The following C18orf32 variants were observed in gnomAD, a reference collection of about 807,000 sequenced individuals.
C18orf32 encodes UPF0729 protein C18orf32.
In C18orf32, 5 loss-of-function variants were observed where a neutral mutation model predicts 7.4. The observed-to-expected ratio is 0.68, with a 90% CI of 0.35 to 1.42. The LOEUF (loss-of-function observed/expected upper bound fraction) is 1.42, where lower values mean the gene tolerates loss of function less well. Among genes scored for constraint, C18orf32 ranks in the 40% most tolerant of loss-of-function variants. C18orf32 has a pLI of 0.04. For missense variants in C18orf32, 88 were observed against 92.4 expected, an observed-to-expected ratio of 0.95 and a Z score of 0.19; for synonymous variants, 30 against 29.3, an observed-to-expected ratio of 1.02 and a Z score of -0.08.
chr18:49,484,136 GA>G lies in C18orf32; in HGVS notation c.-23-366del, dbSNP rs61290557. ...ACAGAGACACTTTGTCTCAAAAAAA[GA>G]AAAAAAAAAAATATATATATATATA... On this transcript the variant is annotated intron_variant, in intron 1 of 2. Transcript: ENST00000318240. 1.9e-3 allele frequency among the ~76,000 whole-genome samples: 86 copies of G among 45,580 alleles called. 3 individuals are homozygous for G. The highest frequency in any genetic ancestry group is 8.5e-3 in the African/African-American group (82 of 9,620). 29.9% of individuals were successfully genotyped at this position (45,580 alleles called of 152,430 possible).
intron 2 of C18orf32, 53 bp downstream of exon 2, chr18:49,483,531 C>T: frequency 6.6e-7 from 1 of 1,503,972 alleles, no homozygotes; most frequent in South Asian, 1.4e-5. Context: ...AGTGTTTCAC[C>T]CAAGTACCAC....
chr18:49,484,327 T>C (rs1308884323), intron 1 of C18orf32, among the ~76,000 whole-genome samples: 1 of 151,992 alleles, frequency 6.6e-6, no homozygotes, highest in Non-Finnish European at 1.5e-5. Context: ...GTGCAGTGGC[T>C]CATGGCTGTA....
At chr18:49,484,149 T>C (rs79162625) in intron 1 of C18orf32, among the ~76,000 whole-genome samples, 1 of 61,796 alleles carries the variant, frequency 1.6e-5, no homozygotes, top group Non-Finnish European at 2.9e-5. Context: ...AAAAAAAAAA[T>C]ATATATATAT....
rs56983810 is a variant in C18orf32 at position 49,484,201 on chromosome 18, C to CACACACACACATACAT, written c.-23-431_-23-430insATGTATGTGTGTGTGT. 6.8e-5 allele frequency among the ~76,000 whole-genome samples: 8 copies of CACACACACACATACAT among 117,832 alleles called. No homozygotes were observed. The East Asian group carries it at 1.2e-3, about 18-fold the overall frequency. 77.3% of individuals were successfully genotyped at this position (117,832 alleles called of 152,430 possible). A position where few individuals can be genotyped will look rare whatever the true frequency, so the allele number is the denominator to read the frequency against. On this transcript the variant is annotated intron_variant, in intron 1 of 2. Coordinates refer to ENST00000318240, the MANE Select transcript of C18orf32 (RefSeq NM_001035005.4). ...ACACACACACACACACACACACACA[C>CACACACACACATACAT]GAAAGGACTATTTCTACAGTGTAGG... is the stretch of plus-strand genomic sequence containing the variant.
chr18:49,484,699 A>G (rs528816853), intron 1 of C18orf32: 6 of 152,342 alleles, frequency 3.9e-5, no homozygotes, highest in Non-Finnish European at 7.3e-5. Flanking sequence ...AAACAACAAC[A>G]TTTGGTAGGT....
rs2083650165 is a variant in C18orf32 at position 49,480,254 on chromosome 18, G to C, written c.*2091C>G. On this transcript the variant is annotated 3_prime_UTR_variant, in exon 3 of 3. Coordinates refer to ENST00000318240, the MANE Select transcript of C18orf32 (RefSeq NM_001035005.4). Reference sequence around the variant, plus strand: ...GATCACTTGAGCCCAGGAGTTGGAGGCTGTAGTGAGCTATGATGATGCCGC... The same window carrying C: ...GATCACTTGAGCCCAGGAGTTGGAGCCTGTAGTGAGCTATGATGATGCCGC... 1 of 152,164 alleles carries C rather than the reference G, an allele frequency of 6.6e-6. No homozygotes were observed. The highest frequency in any genetic ancestry group is 2.1e-4 in the South Asian group (1 of 4,794). 9.4% of individuals were successfully genotyped at this position (152,164 alleles called of 1,614,324 possible).
chr18:49,484,167 T>TATAC (rs2083706841), intron 1 of C18orf32, among the ~76,000 whole-genome samples: 2 of 93,866 alleles, frequency 2.1e-5, no homozygotes, highest in African/African-American at 8.6e-5. Flanking sequence ...TATATATATA[T>TATAC]ACACACACAC....
At chr18:49,483,849 G>C in intron 1 of C18orf32, 78 bp from the exon 2 acceptor site, 6 of 1,512,764 alleles carry the variant, frequency 4.0e-6, no homozygotes, top group Non-Finnish European at 5.3e-6. Flanking sequence ...TAAGATATCT[G>C]AAAGGGGATA....
intron 1 of C18orf32, 104 bp from the exon 2 acceptor site, chr18:49,483,875 G>A (rs889100365): frequency 1.6e-5 from 22 of 1,345,122 alleles, no homozygotes; most frequent in African/African-American, 1.5e-4. Context: ...GGTGGCTCAC[G>A]CCTGTAATCC....
chr18:49,477,283 C>T lies in C18orf32; in HGVS notation c.*5062G>A, dbSNP rs1050933120. The T allele has an allele frequency of 1.3e-5, 2 of 149,916 alleles. No individual in the cohort carries two copies. The highest frequency in any genetic ancestry group is 1.5e-5 in the Non-Finnish European group (1 of 67,962). The allele number at this position is 149,916 out of a possible 1,614,324, so 9.3% of individuals were successfully genotyped here. A position where few individuals can be genotyped will look rare whatever the true frequency, so the allele number is the denominator to read the frequency against. ...TAACTTTATTATTATTTATTTGAAACGGGGTATTGCTCTGTTGTCCTGGCT... is the reference window on the plus strand; with the variant it reads ...TAACTTTATTATTATTTATTTGAAATGGGGTATTGCTCTGTTGTCCTGGCT... On this transcript the variant is annotated 3_prime_UTR_variant, in exon 3 of 3. Coordinates refer to ENST00000318240, the MANE Select transcript of C18orf32 (RefSeq NM_001035005.4).
intron 2 of C18orf32, among the ~76,000 whole-genome samples, chr18:49,483,091 G>A (rs866263157): frequency 3.0e-4 from 46 of 152,130 alleles, no homozygotes; most frequent in Middle Eastern, 3.4e-3. Flanking sequence ...GAGCTACCGC[G>A]CCCAGCTCAA....
In C18orf32 at chr18:49,479,791, C is replaced by T. The variant is rs1181242764; in HGVS notation, c.*2554G>A. On this transcript the variant is annotated 3_prime_UTR_variant, in exon 3 of 3. Coordinates refer to ENST00000318240, the MANE Select transcript of C18orf32 (RefSeq NM_001035005.4). The stretch of plus-strand genomic sequence containing the variant: ...TCGCTATTGGCCAAACCCAGCAGAA[C>T]CCAGAGACATGGGAAGTCTGTTGAT... The T allele has an allele frequency of 2.0e-5, 3 of 152,286 alleles. No homozygotes were observed. The highest frequency in any genetic ancestry group is 4.8e-5 in the African/African-American group (2 of 41,414). 9.4% of individuals were successfully genotyped at this position (152,286 alleles called of 1,614,324 possible).
rs1468722307 is a variant in C18orf32 at position 49,482,311 on chromosome 18, T to C, written c.*34A>G. 1 of 1,508,184 alleles carries C rather than the reference T, an allele frequency of 6.6e-7. No homozygotes were observed. The highest frequency in any genetic ancestry group is 1.1e-5 in the South Asian group (1 of 88,120). 93.4% of individuals were successfully genotyped at this position (1,508,184 alleles called of 1,614,324 possible). ...AGATGCTTCATATTATCAGGTCCATTTTTTAAATGATGGGGTCCTTTAGGA... is the reference window on the plus strand; with the variant it reads ...AGATGCTTCATATTATCAGGTCCATCTTTTAAATGATGGGGTCCTTTAGGA... On this transcript the variant is annotated 3_prime_UTR_variant, in exon 3 of 3. Transcript: ENST00000318240.
rs1453680292 is a variant in C18orf32 at position 49,477,529 on chromosome 18, CA to C, written c.*4815del. 1 of 150,382 alleles carries C rather than the reference CA, an allele frequency of 6.6e-6. No homozygotes were observed. Among genetic ancestry groups the C allele is most frequent in the Non-Finnish European group, 1.5e-5 (1 of 68,096 alleles). 9.3% of individuals were successfully genotyped at this position (150,382 alleles called of 1,614,324 possible). The stretch of plus-strand genomic sequence containing the variant: ...GGCCCAGTGCTTATGCCTGTGATCC[CA>C]GCACTTTGGGAGGCCAAGGCAGGCA... On this transcript the variant is annotated 3_prime_UTR_variant, in exon 3 of 3. Coordinates refer to ENST00000318240, the MANE Select transcript of C18orf32 (RefSeq NM_001035005.4).
chr18:49,483,853 G>A, intron 1 of C18orf32, 82 bp from the exon 2 acceptor site: 2 of 1,486,694 alleles, frequency 1.3e-6, no homozygotes, highest in Non-Finnish European at 9.0e-7. Context: ...ATATCTGAAA[G>A]GGGATAGATG....
In C18orf32 at chr18:49,477,581, A is replaced by G. The variant is rs1444510313; in HGVS notation, c.*4764T>C. On this transcript the variant is annotated 3_prime_UTR_variant, in exon 3 of 3. Transcript: ENST00000318240. ...GATCACTGGAGGTTGGGAGTTTGAG[A>G]CCAGCCTGACCAACGTGGTGAAACC... The G allele has an allele frequency of 6.7e-6, 1 of 150,066 alleles. No homozygotes were observed. The highest frequency in any genetic ancestry group is 2.5e-5 in the African/African-American group (1 of 39,394). The allele number at this position is 150,066 out of a possible 1,614,324, so 9.3% of individuals were successfully genotyped here.
At chr18:49,483,544 C>T (rs762446233) in intron 2 of C18orf32, 40 bp downstream of exon 2, 9 of 1,537,766 alleles carry the variant, frequency 5.9e-6, no homozygotes, top group South Asian at 1.3e-5. Flanking sequence ...AGTACCACCC[C>T]CTTTCACTGC....
chr18:49,482,456 C>T (rs562536153), intron 2 of C18orf32, 46 bp from the exon 3 acceptor site: 19 of 1,432,026 alleles, frequency 1.3e-5, no homozygotes, highest in East Asian at 2.3e-5. Context: ...AAGCCGGGTG[C>T]GGTGGCTTAT....
intron 2 of C18orf32, 25 bp from the exon 3 acceptor site, chr18:49,482,435 AT>A (rs1568494794): frequency 6.3e-7 from 1 of 1,574,912 alleles, no homozygotes; most frequent in Non-Finnish European, 8.7e-7. Context: ...CATTTTAGAA[AT>A]TATCATAACA....
Sources: allele counts gnomAD v4.1 joint callset (sites outside exome capture counted in the v4.1 genomes callset), GRCh38; gene constraint gnomAD v4.1.1; transcripts MANE v1.5; gene names NCBI Gene and HGNC (gene_info 2026-07-23, HGNC 2026-07-21).